The following MFGE8 variants were observed in gnomAD, a reference collection of about 807,000 sequenced individuals.
MFGE8 encodes milk fat globule EGF and factor V/VIII domain containing.
In MFGE8, 34 loss-of-function variants were observed where a neutral mutation model predicts 42.6. The ratio of observed to expected loss-of-function variants is 0.80; its 90% CI spans 0.61 to 1.06. The LOEUF (loss-of-function observed/expected upper bound fraction) is 1.06. Among genes scored for constraint, MFGE8 ranks in the 50% least tolerant of loss-of-function variants. The pLI is 0.00. For synonymous variants in MFGE8, 230 were observed against 214.8 expected (o/e 1.07, Z -0.62); for missense variants, 510 against 516.9 (o/e 0.99, Z 0.13).
intron 5 of MFGE8, 129 bp from the exon 6 acceptor site, chr15:88,901,864 A>C (rs1898452455): frequency 4.3e-6 from 4 of 922,022 alleles, no homozygotes; most frequent in Non-Finnish European, 6.9e-6. Flanking sequence ...GGCAACAGAA[A>C]GCAGCTCCAT....
In MFGE8 at chr15:88,913,309, G is replaced by C; in HGVS notation, c.11C>G (p.Pro4Arg). 6.8e-7 allele frequency: 1 copy of C among 1,461,366 alleles called. No individual in the cohort carries two copies. The highest frequency in any genetic ancestry group is 9.0e-7 in the Non-Finnish European group (1 of 1,116,962). 90.5% of individuals were successfully genotyped at this position (1,461,366 alleles called of 1,614,324 possible). ...GCCGCACAGCGCGGCCAGCAGGCGG[G>C]GGCGCGGCATGCTGCGGGGACGCGG... is the stretch of plus-strand genomic sequence containing the variant. MPRPRLLAALCGAL... is the reference protein window; with the variant it reads MPRRRLLAALCGAL... The change falls in exon 1 of 8, where the codon CCC becomes CGC. Residue 4 changes from proline to arginine, a missense_variant. By Grantham distance (103) the Pro-to-Arg change is moderately radical. Coordinates refer to ENST00000268150, the MANE Select transcript of MFGE8 (RefSeq NM_005928.4).
Position 88,908,539 on chromosome 15 carries a change from C to T in MFGE8, c.206-1163G>A, listed in dbSNP as rs981488468. Among the ~76,000 whole-genome samples, 9 of 152,280 alleles carry T rather than the reference C, an allele frequency of 5.9e-5. No individual in the cohort carries two copies. The East Asian group carries it at 9.7e-4, about 16-fold the overall frequency. ...CGAAGGTCCCTCTGAGGGCTTCCTC[C>T]GCTGTGTGGTCACCCCTGCCTTCTT... is the stretch of plus-strand genomic sequence containing the variant. On this transcript the variant is annotated intron_variant, in intron 2 of 7. Coordinates refer to ENST00000268150, the MANE Select transcript of MFGE8 (RefSeq NM_005928.4).
intron 6 of MFGE8, among the ~76,000 whole-genome samples, chr15:88,901,323 A>ACG (rs1443776228): frequency 4.0e-5 from 6 of 150,034 alleles, no homozygotes; most frequent in Non-Finnish European, 7.4e-5. Flanking sequence ...ACACATTCAC[A>ACG]CACACACACA....
At chr15:88,901,266 C>T (rs1407441105) in intron 6 of MFGE8, among the ~76,000 whole-genome samples, 3 of 125,184 alleles carry the variant, frequency 2.4e-5, no homozygotes, top group Non-Finnish European at 5.6e-5. Flanking sequence ...TTCACACGCA[C>T]GCATTCACAC....
intron 6 of MFGE8, 34 bp downstream of exon 6, chr15:88,901,517 A>AAACCCACAAAGGGGTCC: frequency 9.3e-7 from 1 of 1,072,616 alleles, no homozygotes; most frequent in Non-Finnish European, 1.4e-6. Context: ...ATCCCACCCA[A>AAACCCACAAAGGGGTCC]CCCCAGCCCC....
chr15:88,905,729 C>A lies in MFGE8; in HGVS notation c.685+28G>T. On this transcript the variant is annotated intron_variant, in intron 5 of 7. Transcript: ENST00000268150. The surrounding 1 kb of genome is among the most constrained non-coding windows in gnomAD (Gnocchi z 6.6). ...CACCTCCTAGGATTGGCCAACAGTG[C>A]CCCCCTACCCGCACCCCCAGCACTC... is the stretch of plus-strand genomic sequence containing the variant. 1 of 1,613,466 alleles carries A rather than the reference C, an allele frequency of 6.2e-7. No individual in the cohort carries two copies.
intron 1 of MFGE8, chr15:88,912,995 G>C (rs1373689059): frequency 4.1e-6 from 4 of 985,342 alleles, no homozygotes; most frequent in African/African-American, 1.7e-5. Context: ...TCTGTAAGCC[G>C]CATCCCTGGG....
At chr15:88,901,494 G>A (rs778819660) in intron 6 of MFGE8, 57 bp downstream of exon 6, 40 of 1,530,792 alleles carry the variant, frequency 2.6e-5, no homozygotes, top group Non-Finnish European at 3.1e-5. Context: ...CAAAGATCTG[G>A]CAGTCCCACC....
intron 2 of MFGE8, among the ~76,000 whole-genome samples, chr15:88,907,714 G>C (rs35699851): frequency 0.65 from 97,264 of 149,140 alleles, 32,273 homozygotes; most frequent in African/African-American, 0.77. Context: ...AGTCCCCCCC[G>C]CCAGGCTGTG....
intron 1 of MFGE8, 25 bp downstream of exon 1, chr15:88,913,222 G>A (rs1272435213): frequency 6.7e-7 from 1 of 1,495,532 alleles, no homozygotes; most frequent in East Asian, 2.8e-5. Context: ...GGGGCGAGGG[G>A]CAGAGGGCGG....
rs1213002963 is a variant in MFGE8, at chr15:88,903,208, G to A, written c.686-1473C>T. On this transcript the variant is annotated intron_variant, in intron 5 of 7. Coordinates refer to ENST00000268150, the MANE Select transcript of MFGE8 (RefSeq NM_005928.4). This position sits in a 1 kb window ranked among gnomAD's most constrained non-coding sequence, Gnocchi z 4.9. ...CCTCTACAGATCATCTGCTTCTAGT[G>A]GTTCATACCCTCCTCACTCTCAGCC... 1 of 152,214 alleles carries A rather than the reference G, an allele frequency of 6.6e-6. No individual in the cohort carries two copies. Among genetic ancestry groups the A allele is most frequent in the Non-Finnish European group, 1.5e-5 (1 of 68,098 alleles). The allele number at this position is 152,214 out of a possible 1,614,324, so 9.4% of individuals were successfully genotyped here.
At chr15:88,912,007 T>C (rs967718803) in intron 1 of MFGE8, 8 of 735,290 alleles carry the variant, frequency 1.1e-5, no homozygotes, top group East Asian at 6.5e-5. Flanking sequence ...GAGGCTTGGG[T>C]TGGGAATGGA....
Position 88,899,493 on chromosome 15 carries a change from T to C in MFGE8, c.1066A>G (p.Asn356Asp). The C allele has an allele frequency of 6.2e-7, 1 of 1,614,108 alleles. No homozygotes were observed. Among genetic ancestry groups the C allele is most frequent in the Non-Finnish European group, 8.5e-7 (1 of 1,180,006 alleles). Reference sequence around the variant, plus strand: ...GCCAGGATGGGCGTCTCAAACAAGTTCTTCTTGTGGGAGTGGTTGTCCCAG... The same window carrying C: ...GCCAGGATGGGCGTCTCAAACAAGTCCTTCTTGTGGGAGTGGTTGTCCCAG... ...GNWDNHSHKK[N>D]LFETPILARY... is the part of the protein sequence containing the mutation. The change falls in exon 8 of 8, where the codon AAC (asparagine) becomes GAC (aspartate). Residue 356 changes from asparagine (N) to aspartate (D), a missense_variant. Coordinates refer to ENST00000268150, the MANE Select transcript of MFGE8 (RefSeq NM_005928.4). This position sits in a 1 kb window ranked among gnomAD's most constrained non-coding sequence, Gnocchi z 6.8.
Position 88,909,780 on chromosome 15 carries a change from C to G in MFGE8, c.205+12G>C. 1 of 1,613,758 alleles carries G rather than the reference C, an allele frequency of 6.2e-7. No homozygotes were observed. The highest frequency in any genetic ancestry group is 2.2e-5 in the East Asian group (1 of 44,896). ...TGCTAGAAACAGGCAACAAGCACCC[C>G]CACATACTCACTCGTCTCACAGTGG... is the stretch of plus-strand genomic sequence containing the variant. On this transcript the variant is annotated intron_variant, in intron 2 of 7. Transcript: ENST00000268150.
chr15:88,907,369 G>T lies in MFGE8; in HGVS notation c.213C>A (p.Val71=). 6.2e-7 allele frequency: 1 copy of T among 1,614,030 alleles called. No homozygotes were observed. The highest frequency in any genetic ancestry group is 1.1e-5 in the South Asian group (1 of 91,058). ...TCCCATTCTCCAGGCCCAGTGGCTC[G>T]ACACATTCTGAGGGAAGGGAGGTGG... ...YAGNHCETKC[V]EPLGLENGNI... The change falls in exon 3 of 8, where the codon GTC becomes GTA. Residue 71 remains valine, a synonymous_variant. Transcript: ENST00000268150.
intron 6 of MFGE8, 125 bp downstream of exon 6, chr15:88,901,426 C>T (rs1898423318): frequency 4.3e-6 from 4 of 924,954 alleles, no homozygotes; most frequent in Non-Finnish European, 6.6e-6. Context: ...CGAAGAAAAA[C>T]AAGGCTTTTC....
At chr15:88,909,971 G>A (rs1196841048) in intron 1 of MFGE8, 48 bp from the exon 2 acceptor site, 1 of 1,612,202 alleles carries the variant, frequency 6.2e-7, no homozygotes, top group Admixed American at 1.7e-5. Context: ...GAAGGAGCTG[G>A]GGACACAGGT....
In MFGE8 at chr15:88,902,408, G is replaced by A. The variant is rs1451928106; in HGVS notation, c.686-673C>T. 2.0e-5 allele frequency: 3 copies of A among 153,020 alleles called. No individual in the cohort carries two copies. Among genetic ancestry groups the A allele is most frequent in the African/African-American group, 7.2e-5 (3 of 41,434 alleles). 9.5% of individuals were successfully genotyped at this position (153,020 alleles called of 1,614,324 possible). On this transcript the variant is annotated intron_variant, in intron 5 of 7. Transcript: ENST00000268150. This position sits in a 1 kb window ranked among gnomAD's most constrained non-coding sequence, Gnocchi z 4.3. The stretch of plus-strand genomic sequence containing the variant: ...TACACATCCCAGCTAGATGATGAAG[G>A]CCTGCCTAGTGACGACCCAGTGATG...
At position 88,899,156 on chromosome 15, in the gene MFGE8, G is replaced by A. The variant is rs1433112360; in HGVS notation, c.*239C>T. On this transcript the variant is annotated 3_prime_UTR_variant, in exon 8 of 8. Transcript: ENST00000268150. This position sits in a 1 kb window ranked among gnomAD's most constrained non-coding sequence, Gnocchi z 6.8. ...CCCAGACCTACTCAGATCCCTCAGT[G>A]CCTAAGAAAACAGGACAGTGAGGAC... The A allele has an allele frequency of 6.7e-6, 4 of 593,786 alleles. No homozygotes were observed. The African/African-American group carries it at 7.5e-5, about 11-fold the overall frequency. The allele number at this position is 593,786 out of a possible 1,614,324, so 36.8% of individuals were successfully genotyped here.
Sources: gnomAD v4.1 joint callset for allele counts (sites outside exome capture counted in the v4.1 genomes callset) on GRCh38, gnomAD v4.1.1 for gene constraint, Gnocchi (gnomAD v3.1) non-coding constraint, MANE v1.5 for transcripts, NCBI Gene and HGNC (gene_info 2026-07-23, HGNC 2026-07-21) for gene names.